FANCM: variants seen among roughly 807,000 people sequenced by gnomAD.
FANCM encodes Fanconi anemia group M protein.
FANCM carries 140 observed loss-of-function variants against 199.5 expected under a neutral mutation model. That is an observed-to-expected ratio of 0.70 (90% CI 0.61 to 0.81). FANCM has a LOEUF of 0.81. Among genes scored for constraint, FANCM ranks in the 30% least tolerant of loss-of-function variants. The pLI is 0.00. For missense variants in FANCM, 2,410 were observed against 2,421.4 expected, an observed-to-expected ratio of 1.00 and a Z score of 0.10; for synonymous variants, 840 against 836.8, an observed-to-expected ratio of 1.00 and a Z score of -0.07.
chr14:45,173,908 C>G (rs1315431711), intron 13 of FANCM, among the ~76,000 whole-genome samples: 1 of 152,080 alleles, frequency 6.6e-6, no homozygotes, highest in Non-Finnish European at 1.5e-5. Flanking sequence ...AGATGTGGAT[C>G]CCAGCAAAAT....
chr14:45,181,716 A>G lies in FANCM; in HGVS notation c.4386+11A>G, dbSNP rs1229147152. 2 of 1,562,264 alleles carry G rather than the reference A, an allele frequency of 1.3e-6. No individual in the cohort carries two copies. The highest frequency in any genetic ancestry group is 1.8e-6 in the Non-Finnish European group (2 of 1,134,458). Reference sequence around the variant, plus strand: ...TTTCCTATAAACAGAGTAAGTAAATACCAGGTAATGTATAGTAATCCAAAT... The same window carrying G: ...TTTCCTATAAACAGAGTAAGTAAATGCCAGGTAATGTATAGTAATCCAAAT... On this transcript the variant is annotated intron_variant, in intron 16 of 22. Coordinates refer to ENST00000267430, the MANE Select transcript of FANCM (RefSeq NM_020937.4).
In FANCM at chr14:45,181,665, C is replaced by T. The variant is rs778973139; in HGVS notation, c.4346C>T (p.Pro1449Leu). ...CAGAAAAATAGTGAAGTTGATTCTC[C>T]ACTTCATGCTGTCAAAAAGCGCAGA... ...EDQKNSEVDS[P>L]LHAVKKRRFP... The change falls in exon 16 of 23, where the codon CCA (proline) becomes CTA (leucine). Residue 1449 changes from proline (P) to leucine (L), a missense_variant. Coordinates refer to ENST00000267430, the MANE Select transcript of FANCM (RefSeq NM_020937.4). 2.5e-6 allele frequency: 4 copies of T among 1,610,500 alleles called. No individual in the cohort carries two copies. The highest frequency in any genetic ancestry group is 1.7e-5 in the Admixed American group (1 of 59,926).
At chr14:45,179,965 C>T (rs141783353) in intron 14 of FANCM, among the ~76,000 whole-genome samples, 8 of 152,284 alleles carry the variant, frequency 5.3e-5, no homozygotes, top group African/African-American at 9.6e-5. Flanking sequence ...CCCACCATTT[C>T]CTCAATGGCC....
At chr14:45,186,347 T>A (rs1889400569) in intron 18 of FANCM, among the ~76,000 whole-genome samples, 1 of 152,250 alleles carries the variant, frequency 6.6e-6, no homozygotes, top group African/African-American at 2.4e-5. Flanking sequence ...AAGGGCAGTT[T>A]ACTTTCAGAA....
chr14:45,171,024 C>T (rs898534191), intron 12 of FANCM, among the ~76,000 whole-genome samples: 4 of 152,090 alleles, frequency 2.6e-5, no homozygotes, highest in Non-Finnish European at 5.9e-5. Context: ...TCTTTCATTA[C>T]TGTCATTTAA....
chr14:45,165,684 A>T (rs1887920353), intron 10 of FANCM, among the ~76,000 whole-genome samples: 1 of 152,240 alleles, frequency 6.6e-6, no homozygotes, highest in Non-Finnish European at 1.5e-5. Context: ...CCATAAAATG[A>T]TCCTAATGAA....
At chr14:45,143,982 A>G (rs1339955600) in intron 3 of FANCM, among the ~76,000 whole-genome samples, 5 of 151,672 alleles carry the variant, frequency 3.3e-5, no homozygotes, top group African/African-American at 9.7e-5. Context: ...GTGAGCCACC[A>G]CGCCCGGCTT....
chr14:45,174,679 TAA>T (rs1888550660), intron 13 of FANCM, among the ~76,000 whole-genome samples: 1 of 152,134 alleles, frequency 6.6e-6, no homozygotes, highest in Non-Finnish European at 1.5e-5. Flanking sequence ...AGAGTAAATT[TAA>T]CAAATGTATA....
At chr14:45,148,740 T>G in intron 3 of FANCM, 97 bp from the exon 4 acceptor site, 1 of 767,286 alleles carries the variant, frequency 1.3e-6, no homozygotes, top group South Asian at 1.6e-5. Flanking sequence ...TTCTGGTGCT[T>G]CTTTCAAAAT....
chr14:45,149,586 T>C (rs573543308), intron 4 of FANCM, among the ~76,000 whole-genome samples: 1 of 152,186 alleles, frequency 6.6e-6, no homozygotes, highest in Non-Finnish European at 1.5e-5. Context: ...CAAGCTGGTC[T>C]TGAACTCCTG....
Position 45,175,160 on chromosome 14 carries a change from T to G in FANCM, c.2406T>G (p.Asn802Lys). ...STFIAPRNES[N>K]NLASDTFITH... ...TTATTGCTCCCAGGAATGAATCTAA[T>G]AATCTTGCCAGTGACACCTTTATCA... The change falls in exon 14 of 23, where the codon AAT (asparagine) becomes AAG (lysine). Residue 802 changes from asparagine (N) to lysine (K), a missense_variant. Transcript: ENST00000267430. 9 of 1,611,590 alleles carry G rather than the reference T, an allele frequency of 5.6e-6. No individual in the cohort carries two copies. The highest frequency in any genetic ancestry group is 7.6e-6 in the Non-Finnish European group (9 of 1,178,300).
chr14:45,156,685 C>T (rs1239336305), intron 8 of FANCM, among the ~76,000 whole-genome samples: 4 of 151,830 alleles, frequency 2.6e-5, no homozygotes, highest in Admixed American at 1.3e-4. Context: ...TGTGAGAGGC[C>T]GAGGTGGGCA....
chr14:45,136,351 C>T lies in FANCM; in HGVS notation c.320C>T (p.Thr107Met), dbSNP rs2139102483. The change falls in exon 1 of 23, where the codon ACG (threonine) becomes ATG (methionine). Residue 107 changes from threonine (T) to methionine (M), a missense_variant. Coordinates refer to ENST00000267430, the MANE Select transcript of FANCM (RefSeq NM_020937.4). Reference protein sequence around the residue: ...HISRAALFCNTLVCLPTGLGK... With the variant: ...HISRAALFCNMLVCLPTGLGK... Reference sequence around the variant, plus strand: ...TCCCGGGCTGCTCTGTTTTGCAATACGCTGGTGTGTCTGCCTACCGGACTG... The same window carrying T: ...TCCCGGGCTGCTCTGTTTTGCAATATGCTGGTGTGTCTGCCTACCGGACTG... 6.2e-7 allele frequency: 1 copy of T among 1,614,162 alleles called. No individual in the cohort carries two copies. Among genetic ancestry groups the T allele is most frequent in the Non-Finnish European group, 8.5e-7 (1 of 1,180,028 alleles).
chr14:45,199,612 G>T (rs1890252324), intron 22 of FANCM, among the ~76,000 whole-genome samples: 1 of 152,158 alleles, frequency 6.6e-6, no homozygotes, highest in Non-Finnish European at 1.5e-5. Flanking sequence ...TTGGGATTAC[G>T]GCTTCAACAT....
chr14:45,198,980 C>T (rs1262444229), intron 22 of FANCM, 45 bp downstream of exon 22: 6 of 1,437,490 alleles, frequency 4.2e-6, no homozygotes, highest in Admixed American at 1.8e-5. Context: ...TTAAAAGATT[C>T]GTAAAAGCAT....
intron 14 of FANCM, among the ~76,000 whole-genome samples, chr14:45,177,858 G>A (rs927139149): frequency 6.6e-6 from 1 of 152,182 alleles, no homozygotes; most frequent in Non-Finnish European, 1.5e-5. Context: ...ATAGTTTTAT[G>A]CAGCAAAATA....
At chr14:45,165,171 G>A (rs1887878949) in intron 10 of FANCM, among the ~76,000 whole-genome samples, 1 of 152,170 alleles carries the variant, frequency 6.6e-6, no homozygotes, top group Non-Finnish European at 1.5e-5. Flanking sequence ...TTACACTAAA[G>A]TATTAACTAA....
intron 20 of FANCM, among the ~76,000 whole-genome samples, chr14:45,191,343 T>G (rs1889754115): frequency 6.6e-6 from 1 of 152,198 alleles, no homozygotes; most frequent in Non-Finnish European, 1.5e-5. Context: ...CTCAGTATCC[T>G]AGGCTTTTCT....
chr14:45,145,370 G>A (rs189740084), intron 3 of FANCM, among the ~76,000 whole-genome samples: 173 of 152,070 alleles, frequency 1.1e-3, no homozygotes, highest in Non-Finnish European at 1.9e-3. Context: ...CATGTTCATC[G>A]TCTCCAGAGC....
Sources: gnomAD v4.1 joint callset for allele counts (sites outside exome capture counted in the v4.1 genomes callset) on GRCh38, gnomAD v4.1.1 for gene constraint, MANE v1.5 for transcripts, NCBI Gene and HGNC (gene_info 2026-07-23, HGNC 2026-07-21) for gene names.